The following TENM2 variants were observed in gnomAD, a reference collection of about 807,000 sequenced individuals.
The protein encoded by TENM2 is teneurin transmembrane protein 2, also known as teneurin-2.
TENM2 carries 52 observed loss-of-function variants against 245.2 expected under a neutral mutation model. That is an observed-to-expected ratio of 0.21 (90% CI 0.17 to 0.27). The LOEUF (loss-of-function observed/expected upper bound fraction) is 0.27, where lower values mean the gene tolerates loss of function less well. Ranked by LOEUF, TENM2 falls within the 10% of genes least tolerant of loss-of-function variation. TENM2 has a pLI of 1.00. For missense variants in TENM2, 3,046 were observed against 3,666.8 expected (o/e 0.83, Z 4.37); for synonymous variants, 1,363 against 1,438.9 (o/e 0.95, Z 1.19).
the TENM2 span, among the ~76,000 whole-genome samples, chr5:167,230,095 C>A: frequency 9.2e-5 from 14 of 152,142 alleles, no homozygotes; most frequent in African/African-American, 3.4e-4. Context: ...GTGAGCTGAG[C>A]TCTTAAAGTG....
intron 2 of TENM2, among the ~76,000 whole-genome samples, chr5:167,812,370 G>A (rs1477769200): frequency 3.3e-5 from 5 of 152,128 alleles, no homozygotes; most frequent in African/African-American, 4.8e-5. Context: ...AGTTTGCCTC[G>A]TAGACCTGGC....
At position 168,193,010 on chromosome 5, in the gene TENM2, C is replaced by G. The variant is rs180864317; in HGVS notation, c.2781-2166C>G. ...AATGGTTACCACTTCCAGAAGGCAC[C>G]TTGAGCTAGAGCCAAAATACAGGTG... On this transcript the variant is annotated intron_variant, in intron 14 of 28. Coordinates refer to ENST00000518659, the Ensembl canonical transcript of TENM2. Among the ~76,000 whole-genome samples, 18 of 152,262 alleles carry G rather than the reference C, an allele frequency of 1.2e-4. 1 individual carries two copies. The East Asian group carries it at 3.5e-3, about 29-fold the overall frequency.
chr5:167,377,147 C>T (rs1184017796), intron 2 of TENM2, among the ~76,000 whole-genome samples: 1 of 151,956 alleles, frequency 6.6e-6, no homozygotes, highest in Non-Finnish European at 1.5e-5. Flanking sequence ...ATGAATTTAC[C>T]TAGGAGAGTT....
chr5:167,553,625 G>C (rs772350382), intron 2 of TENM2, among the ~76,000 whole-genome samples: 1 of 152,190 alleles, frequency 6.6e-6, no homozygotes, highest in Non-Finnish European at 1.5e-5. Flanking sequence ...AAAAGATTGG[G>C]GGCGGGGGTT....
At chr5:167,117,320 G>A in the TENM2 span, among the ~76,000 whole-genome samples, 2 of 152,206 alleles carry the variant, frequency 1.3e-5, no homozygotes, top group South Asian at 2.1e-4. Context: ...CGGCTAACAC[G>A]GTGAAACCCC....
chr5:168,171,825 C>T (rs962550091), intron 13 of TENM2, among the ~76,000 whole-genome samples: 2 of 152,086 alleles, frequency 1.3e-5, no homozygotes, highest in East Asian at 1.9e-4. Context: ...AGGATGAAAA[C>T]GCAGATTTCA....
At chr5:168,149,579 T>C (rs980907439) in intron 12 of TENM2, 7 of 437,576 alleles carry the variant, frequency 1.6e-5, no homozygotes, top group African/African-American at 1.4e-4. Flanking sequence ...ATTTGTGCCC[T>C]GCCCAAGCCT....
chr5:168,001,861 T>G (rs1784440276), intron 5 of TENM2, among the ~76,000 whole-genome samples: 2 of 152,250 alleles, frequency 1.3e-5, no homozygotes, highest in Admixed American at 1.3e-4. Flanking sequence ...ATCAACTGTA[T>G]TAACACATTT....
chr5:167,300,655 G>A lies in TENM2; in HGVS notation c.226+15592G>A, dbSNP rs192921536. 3.6e-3 allele frequency among the ~76,000 whole-genome samples: 555 copies of A among 152,232 alleles called. 2 individuals are homozygous for A. The highest frequency in any genetic ancestry group is 2.8e-3 in the Non-Finnish European group (189 of 68,024). On this transcript the variant is annotated intron_variant, in intron 1 of 28. Transcript: ENST00000518659. ...GGGATATTGGCATGGAGGGGGGTAA[G>A]AGTGATTAGGTTTTAATGGGATGGT...
At chr5:167,367,996 C>G (rs1581857903) in intron 1 of TENM2, among the ~76,000 whole-genome samples, 1 of 151,884 alleles carries the variant, frequency 6.6e-6, no homozygotes. Context: ...TTAAAATGTA[C>G]GCTCTAACAT....
intron 2 of TENM2, among the ~76,000 whole-genome samples, chr5:167,775,303 G>A (rs1485070385): frequency 6.6e-6 from 1 of 152,174 alleles, no homozygotes; most frequent in Non-Finnish European, 1.5e-5. Context: ...CTTGAAACCA[G>A]TAAGCAGGAG....
intron 3 of TENM2, among the ~76,000 whole-genome samples, chr5:167,904,089 G>A (rs566539600): frequency 1.3e-5 from 2 of 152,282 alleles, no homozygotes; most frequent in South Asian, 2.1e-4. Flanking sequence ...AAGGTTGTCT[G>A]CTGTCTCATG....
rs777170514 is a variant in TENM2 at position 167,853,289 on chromosome 5, C to CAAAAAAAA, written c.503-22681_503-22674dup. ...TGGGAGACAGAGCGAGACTCCGTCTCAAAAAAAAAAAAAAAAAAAAAAAGA... is the reference window on the plus strand; with the variant it reads ...TGGGAGACAGAGCGAGACTCCGTCTCAAAAAAAAAAAAAAAAAAAAAAAAAAAAAAAGA... On this transcript the variant is annotated intron_variant, in intron 2 of 28. Transcript: ENST00000518659. Among the ~76,000 whole-genome samples the CAAAAAAAA allele has an allele frequency of 1.0e-2, 243 of 24,422 alleles. 16 individuals carry two copies. Among genetic ancestry groups the CAAAAAAAA allele is most frequent in the African/African-American group, 0.012 (81 of 6,608 alleles). 16.0% of individuals were successfully genotyped at this position (24,422 alleles called of 152,430 possible).
chr5:167,183,601 T>G, the TENM2 span, among the ~76,000 whole-genome samples: 2 of 152,168 alleles, frequency 1.3e-5, no homozygotes, highest in Admixed American at 6.6e-5. Flanking sequence ...CTGTTTGAGT[T>G]TCAACTTGGG....
chr5:167,978,017 C>G (rs1258282861), intron 4 of TENM2, among the ~76,000 whole-genome samples: 2 of 152,112 alleles, frequency 1.3e-5, no homozygotes, highest in African/African-American at 4.8e-5. Context: ...TTCAAAAGAG[C>G]CTGGTACCTC....
intron 2 of TENM2, among the ~76,000 whole-genome samples, chr5:167,549,170 T>C (rs1390565829): frequency 1.3e-5 from 2 of 152,164 alleles, no homozygotes; most frequent in Admixed American, 6.5e-5. Flanking sequence ...AGGAATGAAT[T>C]TCAACATATC....
At chr5:167,022,175 G>A in the TENM2 span, among the ~76,000 whole-genome samples, 1 of 152,164 alleles carries the variant, frequency 6.6e-6, no homozygotes, top group South Asian at 2.1e-4. Context: ...TTTAACATCT[G>A]CTTGTTAAAA....
At chr5:168,073,225 A>G (rs917919627) in intron 7 of TENM2, among the ~76,000 whole-genome samples, 3 of 152,222 alleles carry the variant, frequency 2.0e-5, no homozygotes, top group African/African-American at 4.8e-5. Context: ...TTCAACAAAT[A>G]TCAGCTATTG....
chr5:168,095,722 G>A (rs762320567), intron 8 of TENM2, among the ~76,000 whole-genome samples: 12 of 152,146 alleles, frequency 7.9e-5, no homozygotes, highest in Non-Finnish European at 1.5e-4. Flanking sequence ...TGCTCAGTTA[G>A]TAGACTGAAT....
Sources: allele counts gnomAD v4.1 joint callset (sites outside exome capture counted in the v4.1 genomes callset), GRCh38; gene constraint gnomAD v4.1.1; transcripts MANE v1.5; gene names NCBI Gene and HGNC (gene_info 2026-07-23, HGNC 2026-07-21).